The following FOXN3 variants were observed in gnomAD, a reference collection of about 807,000 sequenced individuals.
FOXN3 encodes forkhead box N3.
Under a neutral mutation model 38.4 loss-of-function variants are expected in FOXN3, and 7 were observed. That is an observed-to-expected ratio of 0.18 (90% confidence interval 0.10 to 0.34). The LOEUF (loss-of-function observed/expected upper bound fraction) is 0.34. Among genes scored for constraint, FOXN3 ranks in the 10% least tolerant of loss-of-function variants. FOXN3 has a pLI of 1.00. For synonymous variants in FOXN3, 230 were observed against 242.2 expected (o/e 0.95, Z 0.47); for missense variants, 456 against 613.4 (o/e 0.74, Z 2.71).
At chr14:89,332,803 T>A (rs10142175) in intron 3 of FOXN3, among the ~76,000 whole-genome samples, 27,988 of 151,826 alleles carry the variant, frequency 0.18, 2,873 homozygotes, top group South Asian at 0.3. Context: ...AAAGCACATA[T>A]CCAATAAAGA....
At chr14:89,186,851 A>G (rs1887821687) in intron 4 of FOXN3, among the ~76,000 whole-genome samples, 1 of 152,162 alleles carries the variant, frequency 6.6e-6, no homozygotes, top group African/African-American at 2.4e-5. Flanking sequence ...AGGGACCCCT[A>G]GGGACTCCAG....
chr14:89,317,712 C>T (rs984716210), intron 3 of FOXN3, among the ~76,000 whole-genome samples: 2 of 151,984 alleles, frequency 1.3e-5, no homozygotes, highest in Non-Finnish European at 2.9e-5. Flanking sequence ...CTTTCCCCCC[C>T]CATAGAAATC....
intron 1 of FOXN3, among the ~76,000 whole-genome samples, chr14:89,441,414 G>A (rs1230455841): frequency 6.6e-6 from 1 of 152,192 alleles, no homozygotes; most frequent in Non-Finnish European, 1.5e-5. Context: ...AAACTGAAAG[G>A]TGATTTGTGA....
intron 1 of FOXN3, among the ~76,000 whole-genome samples, chr14:89,516,903 T>C (rs554691184): frequency 1.4e-4 from 22 of 152,252 alleles, no homozygotes; most frequent in African/African-American, 5.1e-4. Flanking sequence ...GAAAAGATAC[T>C]CTGGCCAACA....
At chr14:89,265,656 T>A (rs1885954295) in intron 4 of FOXN3, among the ~76,000 whole-genome samples, 1 of 152,168 alleles carries the variant, frequency 6.6e-6, no homozygotes, top group Non-Finnish European at 1.5e-5. Context: ...CACGTCCACT[T>A]TTAAAAACAA....
At chr14:89,554,174 G>C (rs1188082169) in intron 1 of FOXN3, among the ~76,000 whole-genome samples, 2 of 152,058 alleles carry the variant, frequency 1.3e-5, no homozygotes, top group African/African-American at 4.8e-5. Context: ...GCTAATTTTT[G>C]TATTATTAGT....
intron 1 of FOXN3, among the ~76,000 whole-genome samples, chr14:89,487,619 T>C (rs773486999): frequency 7.9e-5 from 12 of 152,188 alleles, no homozygotes; most frequent in South Asian, 2.1e-4. Flanking sequence ...CCTACTCTAC[T>C]TTGTGTTTAA....
At chr14:89,354,101 A>G (rs999362622) in intron 2 of FOXN3, among the ~76,000 whole-genome samples, 4 of 152,184 alleles carry the variant, frequency 2.6e-5, no homozygotes, top group Non-Finnish European at 4.4e-5. Flanking sequence ...TAATGTTTCT[A>G]ATAGGAGAGA....
chr14:89,465,292 C>T (rs943873464), intron 1 of FOXN3, among the ~76,000 whole-genome samples: 3 of 152,128 alleles, frequency 2.0e-5, no homozygotes, highest in Non-Finnish European at 4.4e-5. Context: ...TGCAGTCGCA[C>T]GATCTTGGCT....
chr14:89,512,177 T>C (rs1894106858), intron 1 of FOXN3, among the ~76,000 whole-genome samples: 1 of 152,044 alleles, frequency 6.6e-6, no homozygotes, highest in African/African-American at 2.4e-5. Context: ...CATGAAGCCA[T>C]AGTGAGGGGC....
intron 2 of FOXN3, among the ~76,000 whole-genome samples, chr14:89,363,981 T>TATATATA (rs1419303513): frequency 1.1e-5 from 1 of 92,596 alleles, no homozygotes; most frequent in Admixed American, 9.8e-5. Flanking sequence ...TATATATATA[T>TATATATA]ATATATAATA....
intron 1 of FOXN3, among the ~76,000 whole-genome samples, chr14:89,533,114 GC>G (rs1894606877): frequency 6.6e-6 from 1 of 152,144 alleles, no homozygotes; most frequent in Non-Finnish European, 1.5e-5. Context: ...ATGTAAATAG[GC>G]ACTGATTACA....
At chr14:89,229,087 A>C (rs1467595199) in intron 4 of FOXN3, among the ~76,000 whole-genome samples, 1 of 152,188 alleles carries the variant, frequency 6.6e-6, no homozygotes, top group African/African-American at 2.4e-5. Context: ...CAGCCCTGAC[A>C]AATGGGGTTT....
intron 3 of FOXN3, among the ~76,000 whole-genome samples, chr14:89,335,075 T>TCACAC (rs1888403562): frequency 7.3e-6 from 1 of 136,168 alleles, no homozygotes; most frequent in Non-Finnish European, 1.6e-5. Context: ...ACTATTTTCA[T>TCACAC]ATCACACACA....
At chr14:89,226,637 C>A (rs1884649300) in intron 4 of FOXN3, among the ~76,000 whole-genome samples, 1 of 152,110 alleles carries the variant, frequency 6.6e-6, no homozygotes, top group African/African-American at 2.4e-5. Flanking sequence ...CTGTGCCTCC[C>A]CCAACCCCAA....
intron 2 of FOXN3, among the ~76,000 whole-genome samples, chr14:89,363,981 TA>T (rs1890038641): frequency 1.1e-5 from 1 of 92,596 alleles, no homozygotes; most frequent in African/African-American, 5.1e-5. Flanking sequence ...TATATATATA[TA>T]TATATAATAT....
At chr14:89,310,663 G>C (rs1887511416) in intron 3 of FOXN3, among the ~76,000 whole-genome samples, 1 of 152,196 alleles carries the variant, frequency 6.6e-6, no homozygotes, top group Admixed American at 6.5e-5. Flanking sequence ...TTCTGCTTAA[G>C]AAAAGTACCT....
chr14:89,237,775 C>CTTGATCT (rs1566936099), intron 4 of FOXN3, among the ~76,000 whole-genome samples: 1 of 152,210 alleles, frequency 6.6e-6, no homozygotes, highest in Non-Finnish European at 1.5e-5. Context: ...CTCAGCCATG[C>CTTGATCT]TTGATCTTTA....
intron 1 of FOXN3, among the ~76,000 whole-genome samples, chr14:89,567,713 T>A (rs1485245155): frequency 7.2e-6 from 1 of 138,100 alleles, no homozygotes; most frequent in Non-Finnish European, 1.5e-5. Context: ...ACCAAACAAA[T>A]CTCGTTGATT....
Sources: gnomAD v4.1 joint callset for allele counts (sites outside exome capture counted in the v4.1 genomes callset) on GRCh38, gnomAD v4.1.1 for gene constraint, MANE v1.5 for transcripts, NCBI Gene and HGNC (gene_info 2026-07-23, HGNC 2026-07-21) for gene names.